DIAPH2: variants seen among roughly 807,000 people sequenced by gnomAD.
DIAPH2 encodes the protein diaphanous related formin 2.
Under a neutral mutation model 92.7 loss-of-function variants are expected in DIAPH2, and 35 were observed. The ratio of observed to expected loss-of-function variants is 0.38; its 90% CI spans 0.29 to 0.50. DIAPH2 has a LOEUF of 0.50. Among genes scored for constraint, DIAPH2 ranks in the 20% least tolerant of loss-of-function variants. The pLI is 0.94. For missense variants in DIAPH2, 701 were observed against 819.5 expected (o/e 0.86, Z 1.77); for synonymous variants, 301 against 280.4 (o/e 1.07, Z -0.73).
chrX:96,700,538 GTCA>G, intron 1 of DIAPH2, among the ~76,000 whole-genome samples: 1 of 112,450 alleles, frequency 8.9e-6, no homozygotes, highest in African/African-American at 3.2e-5. Context: ...TTGATACTTT[GTCA>G]TCATTTGCTG....
intron 22 of DIAPH2, among the ~76,000 whole-genome samples, chrX:97,218,001 A>G (rs1282695833): frequency 8.9e-6 from 1 of 112,108 alleles, no homozygotes. Context: ...AAAGAAATTT[A>G]GAATTTCTTA....
At chrX:96,782,952 G>A (rs961954246) in intron 4 of DIAPH2, among the ~76,000 whole-genome samples, 2 of 111,778 alleles carry the variant, frequency 1.8e-5, no homozygotes, top group Non-Finnish European at 3.8e-5. Context: ...TATAAATGGA[G>A]CATTTGCTTT....
intron 1 of DIAPH2, among the ~76,000 whole-genome samples, chrX:96,709,503 A>G (rs2063905914): frequency 1.8e-5 from 2 of 112,201 alleles, no homozygotes; most frequent in Non-Finnish European, 1.9e-5. Context: ...TATCTTCTAA[A>G]GAAAATGAAA....
At chrX:96,866,541 G>A (rs911622815) in intron 4 of DIAPH2, among the ~76,000 whole-genome samples, 1 of 111,499 alleles carries the variant, frequency 9.0e-6, no homozygotes, top group Non-Finnish European at 1.9e-5. Flanking sequence ...AAGGAATATA[G>A]AATTGGCAGC....
intron 25 of DIAPH2, among the ~76,000 whole-genome samples, chrX:97,429,392 T>C (rs1340931839): frequency 1.8e-5 from 2 of 111,367 alleles, no homozygotes; most frequent in African/African-American, 6.5e-5. Context: ...ATTTGCATAC[T>C]GAGCGTGTCA....
chrX:97,065,058 T>C (rs1260780316), intron 17 of DIAPH2, among the ~76,000 whole-genome samples: 1 of 111,640 alleles, frequency 9.0e-6, no homozygotes, highest in African/African-American at 3.2e-5. Context: ...AATTGTCCTA[T>C]TGGCCTAGTG....
chrX:97,308,584 AC>A (rs1156263289), intron 23 of DIAPH2, among the ~76,000 whole-genome samples: 6 of 102,900 alleles, frequency 5.8e-5, no homozygotes, highest in African/African-American at 2.1e-4. Context: ...GGAGTTCCAG[AC>A]CAGCCTGACC....
chrX:96,781,970 A>G (rs1223319040), intron 4 of DIAPH2, among the ~76,000 whole-genome samples: 1 of 112,235 alleles, frequency 8.9e-6, no homozygotes, highest in African/African-American at 3.2e-5. Flanking sequence ...TGTTGAAAGA[A>G]GTGTAGAAAT....
chrX:97,233,869 G>GT (rs373218999), intron 22 of DIAPH2, among the ~76,000 whole-genome samples: 1,106 of 110,274 alleles, frequency 0.01, 13 homozygotes, highest in African/African-American at 0.035. Context: ...CAATTAAAAA[G>GT]TTTTTTTTTC....
chrX:96,971,416 CTGTGTGTGTGTGTATG>C (rs1569268301), intron 17 of DIAPH2, among the ~76,000 whole-genome samples: 1 of 110,055 alleles, frequency 9.1e-6, no homozygotes, highest in Non-Finnish European at 1.9e-5. Context: ...ACTTGATGCT[CTGTGTGTGTGTGTATG>C]TGTGTGTGTG....
intron 26 of DIAPH2, among the ~76,000 whole-genome samples, chrX:97,506,215 T>C (rs1411239536): frequency 1.2e-5 from 1 of 86,090 alleles, no homozygotes; most frequent in Non-Finnish European, 2.1e-5. Context: ...AATGGCGCCA[T>C]CTTGGCTCAC....
chrX:97,553,478 T>G (rs1167190462), intron 26 of DIAPH2, among the ~76,000 whole-genome samples: 1 of 110,303 alleles, frequency 9.1e-6, no homozygotes, highest in Non-Finnish European at 1.9e-5. Flanking sequence ...ACAAACATAA[T>G]GGATGTTTTA....
intron 1 of DIAPH2, chrX:96,701,591 C>T (rs1423891874): frequency 9.1e-6 from 1 of 110,188 alleles, no homozygotes; most frequent in Non-Finnish European, 1.9e-5. Context: ...AACAATCATT[C>T]GAGATAACTT....
In DIAPH2 at chrX:97,072,975, G is replaced by A. The variant is rs1228250815; in HGVS notation, c.2085G>A (p.Lys695=). The part of the protein sequence containing the change: ...QKNAEALEEK[K]TGPTKKKVKE... ...ACGCAGAAGCATTAGAAGAAAAGAA[G>A]ACTGGGCCTACAAAGAAGAAAGTGA... The change falls in exon 18 of 27, where the codon AAG becomes AAA. Residue 695 remains lysine, a synonymous_variant. Transcript: ENST00000324765. The A allele has an allele frequency of 3.3e-6, 4 of 1,203,118 alleles. No individual in the cohort carries two copies. The highest frequency in any genetic ancestry group is 4.5e-6 in the Non-Finnish European group (4 of 892,594).
intron 12 of DIAPH2, among the ~76,000 whole-genome samples, chrX:96,940,478 A>G (rs1373903188): frequency 3.6e-5 from 4 of 111,807 alleles, no homozygotes; most frequent in Non-Finnish European, 7.5e-5. Context: ...GTTGTTCTTC[A>G]TACTCTGATT....
chrX:97,200,794 T>TTCTTCCAG (rs1479880812), intron 22 of DIAPH2, among the ~76,000 whole-genome samples: 2 of 111,582 alleles, frequency 1.8e-5, no homozygotes, highest in African/African-American at 6.5e-5. Flanking sequence ...ATAAGGGGGA[T>TTCTTCCAG]TCTTCCAGCA....
At chrX:96,713,197 C>T (rs1382274987) in intron 1 of DIAPH2, among the ~76,000 whole-genome samples, 1 of 111,813 alleles carries the variant, frequency 8.9e-6, no homozygotes, top group African/African-American at 3.2e-5. Flanking sequence ...ACCTTTGTTC[C>T]TAATTTTTAA....
At chrX:97,044,485 G>T (rs761751986) in intron 17 of DIAPH2, among the ~76,000 whole-genome samples, 6 of 110,931 alleles carry the variant, frequency 5.4e-5, no homozygotes, top group African/African-American at 2.0e-4. Flanking sequence ...TCCATCAAGA[G>T]CCCCTTCATA....
chrX:96,904,831 C>A (rs1263401255), intron 5 of DIAPH2, among the ~76,000 whole-genome samples: 1 of 110,582 alleles, frequency 9.0e-6, no homozygotes, highest in African/African-American at 3.3e-5. Flanking sequence ...AAAAACAAAC[C>A]AAAACCCACC....
Sources: allele counts gnomAD v4.1 joint callset (sites outside exome capture counted in the v4.1 genomes callset), GRCh38; gene constraint gnomAD v4.1.1; transcripts MANE v1.5; gene names NCBI Gene and HGNC (gene_info 2026-07-23, HGNC 2026-07-21).